ZFPM1: variants seen among roughly 807,000 people sequenced by gnomAD.
The protein encoded by ZFPM1 is zinc finger protein ZFPM1.
In ZFPM1, 28 loss-of-function variants were observed where a neutral mutation model predicts 46.3. The observed-to-expected ratio is 0.60, with a 90% CI of 0.45 to 0.83. The LOEUF is 0.83. Ranked by LOEUF, ZFPM1 falls within the 40% of genes least tolerant of loss-of-function variation. The pLI, the probability that ZFPM1 is intolerant of heterozygous loss-of-function variation, is 0.00. For missense variants in ZFPM1, 1,878 were observed against 1,432.4 expected, an observed-to-expected ratio of 1.31 and a Z score of -5.02; for synonymous variants, 957 against 675.9, an observed-to-expected ratio of 1.42 and a Z score of -6.45.
chr16:88,492,824 C>A (rs896116072), intron 3 of ZFPM1, among the ~76,000 whole-genome samples: 5 of 152,208 alleles, frequency 3.3e-5, no homozygotes, highest in Non-Finnish European at 7.4e-5. Context: ...GGAGGCCTCC[C>A]AGCCCCTCTC....
rs74032886 is a variant in ZFPM1, at chr16:88,475,246, A to C, written c.41-10693A>C. 1.1e-3 allele frequency among the ~76,000 whole-genome samples: 163 copies of C among 152,292 alleles called. 1 individual carries two copies. The highest frequency in any genetic ancestry group is 3.6e-3 in the African/African-American group (150 of 41,580). ...GAGGGTGCCCTGGCTTCAGCCATGCAGTGGGCACCTGGCAGGGCCCAGGCC... is the reference window on the plus strand; with the variant it reads ...GAGGGTGCCCTGGCTTCAGCCATGCCGTGGGCACCTGGCAGGGCCCAGGCC... On this transcript the variant is annotated intron_variant, in intron 1 of 9. Coordinates refer to ENST00000319555, the MANE Select transcript of ZFPM1 (RefSeq NM_153813.3).
chr16:88,534,094 G>A lies in ZFPM1; in HGVS notation c.2136G>A (p.Pro712=), dbSNP rs984169006. Residue 712 remains proline (P), a synonymous_variant, in exon 10 of 10, where the codon CCG becomes CCA. Coordinates refer to ENST00000319555, the MANE Select transcript of ZFPM1 (RefSeq NM_153813.3). ...ACTACTGCGCCTCGCGCCACGACCC[G>A]CCGCCGCGCCGACCGGCCGCGCCCC... The part of the protein sequence containing the change: ...KRYYCASRHD[P]PPRRPAAPPG... 9.3e-6 allele frequency: 11 copies of A among 1,181,682 alleles called. No homozygotes were observed. Among genetic ancestry groups the A allele is most frequent in the Non-Finnish European group, 7.5e-6 (7 of 935,384 alleles). The allele number at this position is 1,181,682 out of a possible 1,614,324, so 73.2% of individuals were successfully genotyped here.
chr16:88,456,661 CG>C (rs1310728322), intron 1 of ZFPM1, among the ~76,000 whole-genome samples: 1 of 152,034 alleles, frequency 6.6e-6, no homozygotes, highest in African/African-American at 2.4e-5. Context: ...CCACTGCTGT[CG>C]GGGGAGCAAG....
At chr16:88,516,187 G>T in intron 4 of ZFPM1, 1 of 398,692 alleles carries the variant, frequency 2.5e-6, no homozygotes, top group South Asian at 1.3e-4. Context: ...GGGAGAAATA[G>T]AACCCACATC....
chr16:88,453,783 G>T, intron 1 of ZFPM1, 105 bp downstream of exon 1: 2 of 658,722 alleles, frequency 3.0e-6, no homozygotes, highest in South Asian at 6.5e-5. Flanking sequence ...GGGCGCCGGC[G>T]ACCTTCACCC....
At chr16:88,529,737 A>T (rs1307452713) in intron 6 of ZFPM1, among the ~76,000 whole-genome samples, 1 of 152,126 alleles carries the variant, frequency 6.6e-6, no homozygotes, top group Non-Finnish European at 1.5e-5. Flanking sequence ...CAGAGAAATG[A>T]CTACTGGTCC....
intron 1 of ZFPM1, among the ~76,000 whole-genome samples, chr16:88,454,856 G>A (rs1459860363): frequency 1.3e-5 from 2 of 152,158 alleles, no homozygotes; most frequent in Admixed American, 6.5e-5. Flanking sequence ...GTAGGCGCCC[G>A]GGCACTACCT....
chr16:88,495,888 G>C lies in ZFPM1; in HGVS notation c.268+6735G>C, dbSNP rs187273734. On this transcript the variant is annotated intron_variant, in intron 3 of 9. Transcript: ENST00000319555. ...ATGCAACTGGGCCATGGGGAGGGGG[G>C]CATGCTAAGGCAAGAGGAGCACAGG... Among the ~76,000 whole-genome samples the C allele has an allele frequency of 9.3e-4, 141 of 152,304 alleles. 1 individual carries two copies. The highest frequency in any genetic ancestry group is 1.7e-3 in the Non-Finnish European group (113 of 68,008).
Position 88,535,508 on chromosome 16 carries a change from G to T in ZFPM1, c.*529G>T, listed in dbSNP as rs376822726. On this transcript the variant is annotated 3_prime_UTR_variant, in exon 10 of 10. Transcript: ENST00000319555. Reference sequence around the variant, plus strand: ...GCTGGCCATCCCCCAACCCTGCATGGTCCTGGGGGTCCGATGTCCCCCATC... The same window carrying T: ...GCTGGCCATCCCCCAACCCTGCATGTTCCTGGGGGTCCGATGTCCCCCATC... The T allele has an allele frequency of 6.6e-6, 1 of 152,544 alleles. No individual in the cohort carries two copies. Among genetic ancestry groups the T allele is most frequent in the Non-Finnish European group, 1.5e-5 (1 of 68,168 alleles). The allele number at this position is 152,544 out of a possible 1,614,324, so 9.4% of individuals were successfully genotyped here.
intron 1 of ZFPM1, among the ~76,000 whole-genome samples, chr16:88,455,816 C>T (rs1016140135): frequency 6.6e-6 from 1 of 152,106 alleles, no homozygotes; most frequent in African/African-American, 2.4e-5. Context: ...CGGCCTTGGC[C>T]GGCCAGATGG....
In ZFPM1 at chr16:88,489,115, C is replaced by T. The variant is rs934014152; in HGVS notation, c.230C>T (p.Pro77Leu). Residue 77 changes from proline to leucine, a missense_variant, in exon 3 of 10, where the codon CCC becomes CTC. Physicochemically the swap from Pro to Leu is moderately conservative, Grantham distance 98. Transcript: ENST00000319555. ...ELEGQEPEPR[P>L]TEEEPGSPWS... ...GAAGGACAGGAACCAGAACCCAGGC[C>T]CACGGAGGAAGAGCCGGGCAGTCCC... 6.2e-7 allele frequency: 1 copy of T among 1,611,788 alleles called. No individual in the cohort carries two copies. The highest frequency in any genetic ancestry group is 1.7e-5 in the Admixed American group (1 of 59,940).
At chr16:88,454,079 G>T (rs936210768) in intron 1 of ZFPM1, among the ~76,000 whole-genome samples, 1 of 152,250 alleles carries the variant, frequency 6.6e-6, no homozygotes, top group Non-Finnish European at 1.5e-5. Context: ...AGATCGTTCT[G>T]TCGGGACGGG....
chr16:88,461,801 C>A (rs1050191588), intron 1 of ZFPM1, among the ~76,000 whole-genome samples: 4 of 152,306 alleles, frequency 2.6e-5, no homozygotes, highest in African/African-American at 9.6e-5. Context: ...CCCCGGCTGT[C>A]CTCTTCTTGC....
intron 1 of ZFPM1, among the ~76,000 whole-genome samples, chr16:88,484,422 C>A (rs936121133): frequency 6.6e-6 from 1 of 152,244 alleles, no homozygotes; most frequent in African/African-American, 2.4e-5. Flanking sequence ...GCCCCACCCC[C>A]ACTCTGCCCC....
chr16:88,518,007 G>A (rs1198331064), intron 4 of ZFPM1, among the ~76,000 whole-genome samples: 2 of 152,076 alleles, frequency 1.3e-5, no homozygotes, highest in African/African-American at 2.4e-5. Flanking sequence ...TCAGGAGATC[G>A]AGACCATCCT....
At position 88,535,892 on chromosome 16, in the gene ZFPM1, G is replaced by A. The variant is rs763189876; in HGVS notation, c.*913G>A. 1 of 144,186 alleles carries A rather than the reference G, an allele frequency of 6.9e-6. No homozygotes were observed. The highest frequency in any genetic ancestry group is 2.5e-5 in the African/African-American group (1 of 40,130). 8.9% of individuals were successfully genotyped at this position (144,186 alleles called of 1,614,324 possible). A position where few individuals can be genotyped will look rare whatever the true frequency, so the allele number is the denominator to read the frequency against. The stretch of plus-strand genomic sequence containing the variant: ...CGGTGTCACCGTGCCGTTTGCAGCT[G>A]GGTGGCTGTGGGCAGCCTCCAGCGT... On this transcript the variant is annotated 3_prime_UTR_variant, in exon 10 of 10. Coordinates refer to ENST00000319555, the MANE Select transcript of ZFPM1 (RefSeq NM_153813.3).
At chr16:88,487,184 T>TGGGACAGA (rs1267044016) in intron 2 of ZFPM1, among the ~76,000 whole-genome samples, 1 of 152,166 alleles carries the variant, frequency 6.6e-6, no homozygotes, top group Non-Finnish European at 1.5e-5. Context: ...GGGGCCTCCC[T>TGGGACAGA]GGGACAGAGG....
chr16:88,482,546 C>T (rs943888100), intron 1 of ZFPM1, among the ~76,000 whole-genome samples: 1 of 152,188 alleles, frequency 6.6e-6, no homozygotes, highest in Non-Finnish European at 1.5e-5. Flanking sequence ...CCCAGCACCT[C>T]CCTGGGTGTC....
rs1908328988 is a variant in ZFPM1, at chr16:88,469,784, C to G, written c.40+16106C>G. On this transcript the variant is annotated intron_variant, in intron 1 of 9. Coordinates refer to ENST00000319555, the MANE Select transcript of ZFPM1 (RefSeq NM_153813.3). The surrounding 1 kb of genome is among the most constrained non-coding windows in gnomAD (Gnocchi z 4.3). ...GGAGAGAAAGAGTCTGGGCTGAGAT[C>G]TAAGGAGAGGAAGTAGGGAGGGGCC... is the stretch of plus-strand genomic sequence containing the variant. Among the ~76,000 whole-genome samples, 1 of 151,904 alleles carries G rather than the reference C, an allele frequency of 6.6e-6. No homozygotes were observed. The highest frequency in any genetic ancestry group is 1.5e-5 in the Non-Finnish European group (1 of 67,970).
Sources: allele counts gnomAD v4.1 joint callset (sites outside exome capture counted in the v4.1 genomes callset), GRCh38; gene constraint gnomAD v4.1.1; non-coding constraint Gnocchi (gnomAD v3.1); transcripts MANE v1.5; gene names NCBI Gene and HGNC (gene_info 2026-07-23, HGNC 2026-07-21).